HS2ST1: variants seen among roughly 807,000 people sequenced by gnomAD.
HS2ST1 encodes the protein 2-O-sulfotransferase.
Under a neutral mutation model 42.9 loss-of-function variants are expected in HS2ST1, and 18 were observed. The ratio of observed to expected loss-of-function variants is 0.42; its 90% CI spans 0.29 to 0.62. The LOEUF (loss-of-function observed/expected upper bound fraction) is 0.62, where lower values mean the gene tolerates loss of function less well. HS2ST1 is among the 20% of genes least tolerant of loss of function. The pLI is 0.21. For synonymous variants in HS2ST1, 146 were observed against 152.9 expected, an observed-to-expected ratio of 0.95 and a Z score of 0.33; for missense variants, 334 against 433.8, an observed-to-expected ratio of 0.77 and a Z score of 2.04.
chr1:86,931,224 A>G (rs1660533375), intron 1 of HS2ST1, among the ~76,000 whole-genome samples: 1 of 152,074 alleles, frequency 6.6e-6, no homozygotes, highest in Non-Finnish European at 1.5e-5. Context: ...TTTATTATTC[A>G]GTTTAATTCT....
chr1:87,007,546 A>G (rs552200880), intron 1 of HS2ST1, among the ~76,000 whole-genome samples: 3 of 152,130 alleles, frequency 2.0e-5, no homozygotes, highest in Admixed American at 1.3e-4. Flanking sequence ...TTAAAATGTG[A>G]TAGGAGAAAC....
chr1:87,097,932 G>A lies in HS2ST1; in HGVS notation c.683G>A (p.Cys228Tyr). The change falls in exon 5 of 7, where the codon TGC (cysteine) becomes TAC (tyrosine). Residue 228 changes from cysteine to tyrosine, a missense_variant. Coordinates refer to ENST00000370550, the MANE Select transcript of HS2ST1 (RefSeq NM_012262.4). ...IPFFCGHSSE[C>Y]WNVGSRWAMD... ...TTCTTCTGTGGCCATAGCTCCGAAT[G>A]CTGGTAGGGGAGATAAAGTTGGCTC... is the stretch of plus-strand genomic sequence containing the variant. 6.2e-7 allele frequency: 1 copy of A among 1,613,890 alleles called. No individual in the cohort carries two copies. The highest frequency in any genetic ancestry group is 8.5e-7 in the Non-Finnish European group (1 of 1,179,816).
Position 87,097,899 on chromosome 1 carries a change from A to C in HS2ST1, c.650A>C (p.Gln217Pro). The change falls in exon 5 of 7, where the codon CAA becomes CCA. Residue 217 changes from glutamine to proline, a missense_variant. Coordinates refer to ENST00000370550, the MANE Select transcript of HS2ST1 (RefSeq NM_012262.4). The stretch of plus-strand genomic sequence containing the variant: ...TGTGCTCCAGAGAAGCTCTGGCTTC[A>C]AATCCCGTTCTTCTGTGGCCATAGC... ...SDCAPEKLWL[Q>P]IPFFCGHSSE... 1.2e-6 allele frequency: 2 copies of C among 1,614,074 alleles called. No homozygotes were observed. The highest frequency in any genetic ancestry group is 1.7e-6 in the Non-Finnish European group (2 of 1,179,910).
intron 1 of HS2ST1, among the ~76,000 whole-genome samples, chr1:87,025,178 C>G (rs1166062067): frequency 3.2e-5 from 1 of 30,980 alleles, no homozygotes; most frequent in African/African-American, 6.9e-5. Context: ...ACTTCTGGAA[C>G]TGGAGAAGTG....
At chr1:86,958,545 A>T (rs906751832) in intron 1 of HS2ST1, 1 of 152,242 alleles carries the variant, frequency 6.6e-6, no homozygotes, top group Non-Finnish European at 1.5e-5. Context: ...ATGTTGTTCA[A>T]GGGTCAACTA....
chr1:87,073,030 T>A lies in HS2ST1; in HGVS notation c.221T>A (p.Met74Lys), dbSNP rs1202017328. The A allele has an allele frequency of 1.2e-6, 2 of 1,613,992 alleles. No individual in the cohort carries two copies. The highest frequency in any genetic ancestry group is 4.5e-5 in the East Asian group (2 of 44,838). The change falls in exon 2 of 7, where the codon ATG becomes AAG. Residue 74 changes from methionine to lysine, a missense_variant. Coordinates refer to ENST00000370550, the MANE Select transcript of HS2ST1 (RefSeq NM_012262.4). ...GCCACTTTAGATGAGGAAGAGGACA[T>A]GGTGATCATTTATAACAGAGTTCCC... ...QDATLDEEED[M>K]VIIYNRVPKT...
At chr1:86,945,842 G>A (rs1157220017) in intron 1 of HS2ST1, among the ~76,000 whole-genome samples, 2 of 152,186 alleles carry the variant, frequency 1.3e-5, no homozygotes, top group Non-Finnish European at 2.9e-5. Context: ...GGCGAGGCAG[G>A]TGGATGGATT....
In HS2ST1 at chr1:87,016,040, C is replaced by T. The variant is rs1649748206; in HGVS notation, c.125-56894C>T. On this transcript the variant is annotated intron_variant, in intron 1 of 6. Transcript: ENST00000370550. The stretch of plus-strand genomic sequence containing the variant: ...CCATGTTGGCCAGGATGATCCCGAT[C>T]TCCTGACCTCATGATCCGCCAACCT... 2.0e-5 allele frequency among the ~76,000 whole-genome samples: 3 copies of T among 151,026 alleles called. No homozygotes were observed. The South Asian group carries it at 6.3e-4, about 32-fold the overall frequency.
At chr1:87,036,242 G>C (rs1650372786) in intron 1 of HS2ST1, among the ~76,000 whole-genome samples, 1 of 152,130 alleles carries the variant, frequency 6.6e-6, no homozygotes, top group African/African-American at 2.4e-5. Flanking sequence ...TTGCTATTGT[G>C]AGCAGTGCTG....
intron 6 of HS2ST1, among the ~76,000 whole-genome samples, chr1:87,103,801 C>G (rs1409149931): frequency 6.6e-6 from 1 of 152,062 alleles, no homozygotes; most frequent in Non-Finnish European, 1.5e-5. Flanking sequence ...TGGAATGATA[C>G]AAAGTACAGA....
At chr1:87,010,960 A>C (rs1240380953) in intron 1 of HS2ST1, among the ~76,000 whole-genome samples, 1 of 151,804 alleles carries the variant, frequency 6.6e-6, no homozygotes, top group Non-Finnish European at 1.5e-5. Context: ...TAACTTTTGT[A>C]TTTTTAGTAG....
At chr1:87,037,878 C>A (rs1650422045) in intron 1 of HS2ST1, among the ~76,000 whole-genome samples, 1 of 151,876 alleles carries the variant, frequency 6.6e-6, no homozygotes, top group African/African-American at 2.4e-5. Flanking sequence ...TATAATATAT[C>A]TCTAACAGAT....
intron 1 of HS2ST1, among the ~76,000 whole-genome samples, chr1:86,931,989 G>A (rs902112235): frequency 3.3e-5 from 5 of 151,816 alleles, no homozygotes; most frequent in Admixed American, 3.3e-4. Flanking sequence ...GCCTAAGCTG[G>A]TCTTGAACTC....
At chr1:86,981,503 G>C (rs377577288) in intron 1 of HS2ST1, among the ~76,000 whole-genome samples, 1 of 152,192 alleles carries the variant, frequency 6.6e-6, no homozygotes, top group East Asian at 1.9e-4. Context: ...AGATACAGTG[G>C]GGGTACAGGC....
chr1:86,939,127 T>A (rs1209014038), intron 1 of HS2ST1, among the ~76,000 whole-genome samples: 1 of 152,232 alleles, frequency 6.6e-6, no homozygotes, highest in Non-Finnish European at 1.5e-5. Flanking sequence ...GTCTTGTTTT[T>A]TTCTCAGATA....
At chr1:87,037,022 G>T (rs1441687961) in intron 1 of HS2ST1, among the ~76,000 whole-genome samples, 1 of 151,908 alleles carries the variant, frequency 6.6e-6, no homozygotes, top group Non-Finnish European at 1.5e-5. Context: ...AAGTGCTAGG[G>T]TTCTTTTTCC....
At chr1:86,940,035 C>G (rs1660729552) in intron 1 of HS2ST1, among the ~76,000 whole-genome samples, 1 of 152,180 alleles carries the variant, frequency 6.6e-6, no homozygotes, top group African/African-American at 2.4e-5. Context: ...TGTAAATCCA[C>G]AGTGTGCCTT....
At chr1:86,987,990 A>G (rs1440701544) in intron 1 of HS2ST1, among the ~76,000 whole-genome samples, 1 of 151,812 alleles carries the variant, frequency 6.6e-6, no homozygotes, top group Non-Finnish European at 1.5e-5. Flanking sequence ...GTCCAGGATG[A>G]GAGAGACTCC....
chr1:86,985,507 C>CACACATATAT (rs1557504947), intron 1 of HS2ST1, among the ~76,000 whole-genome samples: 1,589 of 75,902 alleles, frequency 0.021, 96 homozygotes, highest in African/African-American at 0.063. Flanking sequence ...CACATATATA[C>CACACATATAT]ACATATATAT....
Sources: allele counts gnomAD v4.1 joint callset (sites outside exome capture counted in the v4.1 genomes callset), GRCh38; gene constraint gnomAD v4.1.1; transcripts MANE v1.5; gene names NCBI Gene and HGNC (gene_info 2026-07-23, HGNC 2026-07-21).